The following MGMT variants were observed in gnomAD, a reference collection of about 807,000 sequenced individuals.
MGMT encodes O-6-methylguanine-DNA methyltransferase, also known as methylated-DNA--protein-cysteine methyltransferase.
A neutral mutation model predicts 15.9 loss-of-function variants in MGMT; 14 were observed. That is an observed-to-expected ratio of 0.88 (90% CI 0.58 to 1.37). The LOEUF is 1.37. Ranked by LOEUF, MGMT falls within the 40% of genes most tolerant of loss-of-function variation. The pLI is 0.00. For synonymous variants in MGMT, 130 were observed against 118.2 expected (o/e 1.10, Z -0.65); for missense variants, 282 against 268.1 (o/e 1.05, Z -0.36).
At chr10:129,653,703 G>GAGGCAGGGAGCCGAAT (rs1847490285) in intron 2 of MGMT, among the ~76,000 whole-genome samples, 1 of 152,226 alleles carries the variant, frequency 6.6e-6, no homozygotes, top group African/African-American at 2.4e-5. Context: ...TGCTAAACAA[G>GAGGCAGGGAGCCGAAT]AGGCAGGGAG....
At chr10:129,565,885 G>T (rs1219130088) in intron 2 of MGMT, among the ~76,000 whole-genome samples, 5 of 152,110 alleles carry the variant, frequency 3.3e-5, no homozygotes, top group Non-Finnish European at 7.4e-5. Context: ...AGAGGTCCTG[G>T]TGCTTTTTTT....
At chr10:129,494,578 C>T (rs1287595035) in intron 1 of MGMT, among the ~76,000 whole-genome samples, 1 of 152,186 alleles carries the variant, frequency 6.6e-6, no homozygotes, top group Non-Finnish European at 1.5e-5. Context: ...GTCTCTGCTG[C>T]CCAATGTGGT....
intron 2 of MGMT, among the ~76,000 whole-genome samples, chr10:129,539,320 A>G (rs1846018535): frequency 6.6e-6 from 1 of 151,938 alleles, no homozygotes; most frequent in South Asian, 2.1e-4. Context: ...CCCTGTAGCT[A>G]TTTAGTTGTT....
chr10:129,603,803 C>G (rs367825145), intron 2 of MGMT, among the ~76,000 whole-genome samples: 3 of 152,162 alleles, frequency 2.0e-5, no homozygotes, highest in East Asian at 3.8e-4. Context: ...TATTTAAGGG[C>G]TGTATTGAAA....
chr10:129,627,510 G>A (rs1418090016), intron 2 of MGMT, among the ~76,000 whole-genome samples: 1 of 152,168 alleles, frequency 6.6e-6, no homozygotes, highest in Non-Finnish European at 1.5e-5. Context: ...TGTTCCTGGT[G>A]CAGACCTGTA....
At chr10:129,479,053 G>A (rs1299431122) in intron 1 of MGMT, among the ~76,000 whole-genome samples, 2 of 152,246 alleles carry the variant, frequency 1.3e-5, no homozygotes, top group African/African-American at 2.4e-5. Context: ...CTTACATTTC[G>A]TAAACACGGT....
chr10:129,744,746 C>G (rs994264149), intron 3 of MGMT, among the ~76,000 whole-genome samples: 1 of 152,210 alleles, frequency 6.6e-6, no homozygotes, highest in African/African-American at 2.4e-5. Flanking sequence ...GCTCCTGGCC[C>G]GCCACATCGC....
intron 1 of MGMT, among the ~76,000 whole-genome samples, chr10:129,525,111 ATCTATT>A: frequency 6.6e-6 from 1 of 152,098 alleles, no homozygotes; most frequent in Non-Finnish European, 1.5e-5. Context: ...TCTAGGTGTG[ATCTATT>A]TCTTTCACAC....
At chr10:129,557,602 T>C (rs1247866929) in intron 2 of MGMT, among the ~76,000 whole-genome samples, 1 of 152,204 alleles carries the variant, frequency 6.6e-6, no homozygotes, top group African/African-American at 2.4e-5. Flanking sequence ...AATTAGATAA[T>C]GCAGAAATCT....
rs193076722 is a variant in MGMT, at chr10:129,558,156, C to A, written c.125+21779C>A. ...GGGGTCGGGGTATTTCCAGTACTTG[C>A]GCTTCGGAGTCTTTTTAAAATTGAG... On this transcript the variant is annotated intron_variant, in intron 2 of 4. Coordinates refer to ENST00000651593, the MANE Select transcript of MGMT (RefSeq NM_002412.5). 6.2e-3 allele frequency among the ~76,000 whole-genome samples: 944 copies of A among 152,232 alleles called. 11 individuals are homozygous for A. The highest frequency in any genetic ancestry group is 0.022 in the African/African-American group (911 of 41,520).
rs1039872479 is a variant in MGMT, at chr10:129,566,359, C to G, written c.125+29982C>G. Among the ~76,000 whole-genome samples, 1 of 152,186 alleles carries G rather than the reference C, an allele frequency of 6.6e-6. No homozygotes were observed. The highest frequency in any genetic ancestry group is 1.5e-5 in the Non-Finnish European group (1 of 68,024). On this transcript the variant is annotated intron_variant, in intron 2 of 4. Transcript: ENST00000651593. The surrounding 1 kb of genome is among the most constrained non-coding windows in gnomAD (Gnocchi z 4.1). ...GAGATGCTCGCTCGGAGTGGTTGCT[C>G]TGGCTCTGGGATTCCAAACCAAGCT...
chr10:129,711,417 G>A (rs7922405), intron 3 of MGMT, among the ~76,000 whole-genome samples: 88,428 of 152,010 alleles, frequency 0.58, 27,586 homozygotes, highest in African/African-American at 0.82. Flanking sequence ...TTTCCCGACC[G>A]GGTGTCCGGA....
At chr10:129,534,456 G>C (rs940785273) in intron 1 of MGMT, among the ~76,000 whole-genome samples, 1 of 152,072 alleles carries the variant, frequency 6.6e-6, no homozygotes, top group Admixed American at 6.5e-5. Context: ...TTTTGCAGGC[G>C]GCTCTGGAGT....
chr10:129,681,081 G>T (rs562645380), intron 2 of MGMT, among the ~76,000 whole-genome samples: 1 of 152,274 alleles, frequency 6.6e-6, no homozygotes, highest in African/African-American at 2.4e-5. Context: ...ACACTGGAGC[G>T]CCGGCTGCTA....
intron 3 of MGMT, among the ~76,000 whole-genome samples, chr10:129,740,709 A>T (rs1192218785): frequency 6.6e-6 from 1 of 152,064 alleles, no homozygotes; most frequent in Middle Eastern, 3.2e-3. Context: ...AGAGGCTTTC[A>T]GGAGAGCGCT....
chr10:129,491,544 C>T (rs1845469074), intron 1 of MGMT, among the ~76,000 whole-genome samples: 1 of 152,194 alleles, frequency 6.6e-6, no homozygotes, highest in Admixed American at 6.5e-5. Context: ...CTCATCCAAT[C>T]TGTCCTTTCC....
chr10:129,691,773 C>T (rs1323367703), intron 2 of MGMT, among the ~76,000 whole-genome samples: 1 of 152,138 alleles, frequency 6.6e-6, no homozygotes, highest in Admixed American at 6.5e-5. Flanking sequence ...CCTGCAGGGC[C>T]TGAGTTCTCT....
intron 2 of MGMT, among the ~76,000 whole-genome samples, chr10:129,652,483 G>A (rs183643325): frequency 1.9e-3 from 292 of 152,384 alleles, no homozygotes; most frequent in Non-Finnish European, 3.2e-3. Context: ...ATTCTAGTAT[G>A]TGCGTGCGCC....
chr10:129,600,990 T>C (rs926922179), intron 2 of MGMT, among the ~76,000 whole-genome samples: 4 of 152,068 alleles, frequency 2.6e-5, no homozygotes, highest in African/African-American at 9.7e-5. Flanking sequence ...GAGTTGAGTA[T>C]GTAGCCTTTG....
Sources: gnomAD v4.1 joint callset for allele counts (sites outside exome capture counted in the v4.1 genomes callset) on GRCh38, gnomAD v4.1.1 for gene constraint, Gnocchi (gnomAD v3.1) non-coding constraint, MANE v1.5 for transcripts, NCBI Gene and HGNC (gene_info 2026-07-23, HGNC 2026-07-21) for gene names.